GRM8: variants seen among roughly 807,000 people sequenced by gnomAD.
The protein encoded by GRM8 is metabotropic glutamate receptor 8.
In GRM8, 47 loss-of-function variants were observed where a neutral mutation model predicts 87.2. The observed-to-expected ratio is 0.54, with a 90% CI of 0.43 to 0.69. The LOEUF is 0.69. Among genes scored for constraint, GRM8 ranks in the 30% least tolerant of loss-of-function variants. The pLI, the probability that GRM8 is intolerant of heterozygous loss-of-function variation, is 0.00. For missense variants in GRM8, 1,019 were observed against 1,139.2 expected, an observed-to-expected ratio of 0.89 and a Z score of 1.52; for synonymous variants, 396 against 404.5, an observed-to-expected ratio of 0.98 and a Z score of 0.25.
intron 7 of GRM8, among the ~76,000 whole-genome samples, chr7:126,747,340 TC>T (rs1393433442): frequency 1.3e-5 from 2 of 152,024 alleles, no homozygotes; most frequent in African/African-American, 2.4e-5. Flanking sequence ...AGGTATGCAT[TC>T]CTAGCCACTT....
chr7:126,494,414 G>A (rs950619658), intron 9 of GRM8, among the ~76,000 whole-genome samples: 1 of 151,892 alleles, frequency 6.6e-6, no homozygotes, highest in Non-Finnish European at 1.5e-5. Context: ...TGATTTTCAG[G>A]TAGCTTTAGG....
chr7:126,466,149 C>T (rs906495036), intron 9 of GRM8, among the ~76,000 whole-genome samples: 1 of 151,582 alleles, frequency 6.6e-6, no homozygotes, highest in African/African-American at 2.4e-5. Context: ...CAGTGGAATC[C>T]TGTAATTTTC....
intron 7 of GRM8, among the ~76,000 whole-genome samples, chr7:126,616,660 T>A (rs904828774): frequency 6.0e-5 from 9 of 151,202 alleles, no homozygotes; most frequent in African/African-American, 1.9e-4. Flanking sequence ...GAGGGAAGAA[T>A]CAAATAAACG....
At chr7:126,698,137 G>A (rs921684309) in intron 7 of GRM8, among the ~76,000 whole-genome samples, 1 of 152,094 alleles carries the variant, frequency 6.6e-6, no homozygotes, top group Non-Finnish European at 1.5e-5. Context: ...TATTCAGGAT[G>A]TCAAATTAAA....
At chr7:126,975,559 C>A (rs1419544669) in intron 3 of GRM8, among the ~76,000 whole-genome samples, 1 of 152,154 alleles carries the variant, frequency 6.6e-6, no homozygotes, top group African/African-American at 2.4e-5. Context: ...TTTGCCTTCA[C>A]TCTGGGAATC....
intron 2 of GRM8, among the ~76,000 whole-genome samples, chr7:127,115,680 C>T (rs1490982412): frequency 6.6e-6 from 1 of 152,002 alleles, no homozygotes; most frequent in Non-Finnish European, 1.5e-5. Flanking sequence ...CTGCTAATTA[C>T]ATTTTACAAT....
chr7:126,823,390 C>A (rs1366087441), intron 6 of GRM8, among the ~76,000 whole-genome samples: 2 of 152,180 alleles, frequency 1.3e-5, no homozygotes, highest in Non-Finnish European at 2.9e-5. Flanking sequence ...ATACACTGAG[C>A]AAACACTACT....
intron 7 of GRM8, among the ~76,000 whole-genome samples, chr7:126,740,108 A>T (rs1293444887): frequency 6.6e-6 from 1 of 152,120 alleles, no homozygotes; most frequent in Non-Finnish European, 1.5e-5. Context: ...GGTCTGAGAG[A>T]TCCCAAAGGA....
At chr7:126,899,104 A>AGT (rs71177573) in intron 6 of GRM8, among the ~76,000 whole-genome samples, 3,844 of 140,374 alleles carry the variant, frequency 0.027, 55 homozygotes, top group Middle Eastern at 0.043. Flanking sequence ...ACTGGTTAAC[A>AGT]GTGTGTGTGT....
At chr7:126,968,613 C>A (rs1810105106) in intron 3 of GRM8, among the ~76,000 whole-genome samples, 1 of 152,108 alleles carries the variant, frequency 6.6e-6, no homozygotes, top group Non-Finnish European at 1.5e-5. Flanking sequence ...CCATAAAAAT[C>A]ATCACAAAAT....
intron 8 of GRM8, among the ~76,000 whole-genome samples, chr7:126,562,975 A>T (rs1175870530): frequency 6.6e-6 from 1 of 152,218 alleles, no homozygotes; most frequent in African/African-American, 2.4e-5. Flanking sequence ...TACTAAAGAA[A>T]TATATGGTTA....
intron 3 of GRM8, among the ~76,000 whole-genome samples, chr7:126,909,677 T>A (rs1261371605): frequency 2.6e-5 from 4 of 152,184 alleles, no homozygotes; most frequent in Non-Finnish European, 1.5e-5. Flanking sequence ...AATTTAAAGA[T>A]CATTTGTTGA....
In GRM8 at chr7:127,241,083, C is replaced by T. The variant is rs149146672; in HGVS notation, c.510+1612G>A. ...TTGTGCCTCTTCAGTACTCCTTAGA[C>T]GCAGAGAGCTTCTGCTTAGCATCCT... On this transcript the variant is annotated intron_variant, in intron 2 of 10. Transcript: ENST00000339582. Among the ~76,000 whole-genome samples the T allele has an allele frequency of 1.7e-3, 256 of 152,330 alleles. 2 individuals carry two copies. The highest frequency in any genetic ancestry group is 5.7e-3 in the African/African-American group (239 of 41,570).
chr7:126,567,050 T>C (rs1454565084), intron 8 of GRM8, among the ~76,000 whole-genome samples: 1 of 152,068 alleles, frequency 6.6e-6, no homozygotes, highest in Non-Finnish European at 1.5e-5. Context: ...ATCAAATTCA[T>C]AGAATGAGAG....
intron 6 of GRM8, among the ~76,000 whole-genome samples, chr7:126,775,932 A>G (rs987672196): frequency 6.6e-6 from 1 of 152,088 alleles, no homozygotes; most frequent in African/African-American, 2.4e-5. Flanking sequence ...CTTGAATATT[A>G]CATAAGATCT....
intron 2 of GRM8, among the ~76,000 whole-genome samples, chr7:127,110,444 T>A (rs1826240684): frequency 3.3e-5 from 5 of 152,182 alleles, no homozygotes. Flanking sequence ...GGCATCCTAC[T>A]GCATATTTGA....
At chr7:127,014,931 GAGAGAGAGAGAGAA>G (rs972600726) in intron 3 of GRM8, among the ~76,000 whole-genome samples, 5 of 138,562 alleles carry the variant, frequency 3.6e-5, no homozygotes, top group African/African-American at 1.4e-4. Context: ...GAGAAGGAGA[GAGAGAGAGAGAGAA>G]AGAGAGAGAG....
intron 2 of GRM8, among the ~76,000 whole-genome samples, chr7:127,196,850 G>A (rs191343735): frequency 3.3e-5 from 5 of 152,222 alleles, no homozygotes; most frequent in Non-Finnish European, 5.9e-5. Flanking sequence ...TATGGTTTTG[G>A]TGAAGACTAA....
chr7:127,107,192 C>G (rs1437901356), intron 2 of GRM8, among the ~76,000 whole-genome samples: 2 of 152,246 alleles, frequency 1.3e-5, no homozygotes, highest in Non-Finnish European at 1.5e-5. Flanking sequence ...CCATTTCAGT[C>G]TTAAGACTAT....
Sources: allele counts gnomAD v4.1 joint callset (sites outside exome capture counted in the v4.1 genomes callset), GRCh38; gene constraint gnomAD v4.1.1; transcripts MANE v1.5; gene names NCBI Gene and HGNC (gene_info 2026-07-23, HGNC 2026-07-21).